Variants in ZNF17 observed in about 807,000 individuals in gnomAD.
The protein encoded by ZNF17 is zinc finger protein 17, also known as zinc finger protein 17 (HPF3, KOX 10).
ZNF17 carries 4 observed loss-of-function variants against 7.7 expected under a neutral mutation model. The observed-to-expected ratio is 0.52, with a 90% CI of 0.26 to 1.20. The LOEUF (loss-of-function observed/expected upper bound fraction) is 1.20. ZNF17 is among the 50% of genes most tolerant of loss of function. ZNF17 has a pLI of 0.14. For missense variants in ZNF17, 738 were observed against 799.5 expected, an observed-to-expected ratio of 0.92 and a Z score of 0.93; for synonymous variants, 249 against 258.8, an observed-to-expected ratio of 0.96 and a Z score of 0.36.
chr19:57,419,899 T>G lies in ZNF17; in HGVS notation c.413T>G (p.Val138Gly). ...AGTGATGAAGGGAGGCCTTCGTTTGTGAATGACAGTGTTCACCTGGCAAAG... is the reference window on the plus strand; with the variant it reads ...AGTGATGAAGGGAGGCCTTCGTTTGGGAATGACAGTGTTCACCTGGCAAAG... Reference protein sequence around the residue: ...TRSDEGRPSFVNDSVHLAKRN... With the variant: ...TRSDEGRPSFGNDSVHLAKRN... Residue 138 changes from valine (V) to glycine (G), a missense_variant, in exon 4 of 4, where the codon GTG (valine) becomes GGG (glycine). Physicochemically the swap from Val to Gly is moderately radical, Grantham distance 109. Coordinates refer to ENST00000307658, the MANE Select transcript of ZNF17 (RefSeq NM_001330617.2). 6.2e-7 allele frequency: 1 copy of G among 1,614,204 alleles called. No individual in the cohort carries two copies. The highest frequency in any genetic ancestry group is 2.2e-5 in the East Asian group (1 of 44,880).
chr19:57,413,740 C>A, intron 2 of ZNF17, 104 bp downstream of exon 2: 3 of 1,417,384 alleles, frequency 2.1e-6, no homozygotes, highest in Non-Finnish European at 2.9e-6. Context: ...CTTCTCTCTC[C>A]CTTGGGTCCA....
chr19:57,415,352 AG>A, intron 2 of ZNF17, among the ~76,000 whole-genome samples: 2 of 152,290 alleles, frequency 1.3e-5, no homozygotes, highest in East Asian at 3.9e-4. Context: ...GGAGTTTAAT[AG>A]AGCATATGAA....
At chr19:57,412,303 G>A (rs2088782495) in intron 1 of ZNF17, among the ~76,000 whole-genome samples, 2 of 152,206 alleles carry the variant, frequency 1.3e-5, no homozygotes, top group South Asian at 4.1e-4. Context: ...ACGGGGGTAG[G>A]GCTTTCTCAC....
intron 1 of ZNF17, among the ~76,000 whole-genome samples, chr19:57,412,098 G>A (rs1273309933): frequency 1.3e-5 from 2 of 152,144 alleles, no homozygotes; most frequent in Non-Finnish European, 2.9e-5. Context: ...TTAGAAAGGC[G>A]CAGACCTGTC....
At chr19:57,418,883 G>T (rs1436504124) in intron 3 of ZNF17, among the ~76,000 whole-genome samples, 1 of 150,638 alleles carries the variant, frequency 6.6e-6, no homozygotes, top group Non-Finnish European at 1.5e-5. Context: ...CCCGTTTTTT[G>T]TTTTTTTTTT....
chr19:57,421,096 T>G lies in ZNF17; in HGVS notation c.1610T>G (p.Phe537Cys). 6.2e-7 allele frequency: 1 copy of G among 1,614,068 alleles called. No homozygotes were observed. The change falls in exon 4 of 4, where the codon TTT becomes TGT. Residue 537 changes from phenylalanine (F) to cysteine (C), a missense_variant. This residue lies in a region of ZNF17 where 616 missense variants were observed against 663.9 expected (regional missense o/e 0.93). Transcript: ENST00000307658. ...GAGTGTAGTGAATGTGGGAAATTCTTTAGGCACAACTCAAATCATATTAGA... is the reference window on the plus strand; with the variant it reads ...GAGTGTAGTGAATGTGGGAAATTCTGTAGGCACAACTCAAATCATATTAGA... ...PYECSECGKFFRHNSNHIRHR... is the reference protein window; with the variant it reads ...PYECSECGKFCRHNSNHIRHR...
intron 1 of ZNF17, among the ~76,000 whole-genome samples, chr19:57,413,096 C>G (rs1054940080): frequency 5.9e-5 from 9 of 151,962 alleles, no homozygotes; most frequent in Admixed American, 3.3e-4. Flanking sequence ...CCAGGATGGT[C>G]TTGATCTCTG....
chr19:57,419,609 G>A, intron 3 of ZNF17, 26 bp from the exon 4 acceptor site: 1 of 1,586,248 alleles, frequency 6.3e-7, no homozygotes, highest in Non-Finnish European at 8.6e-7. Context: ...AAGTCATCAT[G>A]CACTTCATGA....
chr19:57,413,508 C>G (rs78763286), intron 1 of ZNF17, 88 bp from the exon 2 acceptor site: 3 of 1,428,430 alleles, frequency 2.1e-6, no homozygotes, highest in Middle Eastern at 2.3e-4. Flanking sequence ...TAACTTTGCT[C>G]TAGTTGCAGG....
chr19:57,417,977 C>G lies in ZNF17; in HGVS notation c.87C>G (p.Asp29Glu). 6.2e-7 allele frequency: 1 copy of G among 1,614,016 alleles called. No individual in the cohort carries two copies. The highest frequency in any genetic ancestry group is 8.5e-7 in the Non-Finnish European group (1 of 1,179,996). Residue 29 changes from aspartate to glutamate, a missense_variant, in exon 3 of 4, where the codon GAC becomes GAG. Physicochemically the swap from Asp to Glu is conservative, Grantham distance 45 (BLOSUM62 2). Coordinates refer to ENST00000307658, the MANE Select transcript of ZNF17 (RefSeq NM_001330617.2). Reference protein sequence around the residue: ...FSQEEWGILNDVQRHLHSDVM... With the variant: ...FSQEEWGILNEVQRHLHSDVM... The stretch of plus-strand genomic sequence containing the variant: ...AGGAGGAGTGGGGAATTCTTAATGA[C>G]GTTCAGAGACACCTGCACAGCGATG...
intron 1 of ZNF17, among the ~76,000 whole-genome samples, chr19:57,411,929 G>T (rs888175412): frequency 1.1e-4 from 16 of 152,082 alleles, no homozygotes; most frequent in African/African-American, 3.9e-4. Flanking sequence ...GTAGTGAAGG[G>T]TCTATTCCAT....
intron 2 of ZNF17, among the ~76,000 whole-genome samples, chr19:57,414,336 GTT>G (rs1265171492): frequency 1.5e-5 from 2 of 137,168 alleles, no homozygotes. Flanking sequence ...ACCTGGCCTT[GTT>G]TTTTTTTTTT....
chr19:57,419,517 T>A, intron 3 of ZNF17, 118 bp from the exon 4 acceptor site: 1 of 1,129,238 alleles, frequency 8.9e-7, no homozygotes, highest in Non-Finnish European at 1.3e-6. Flanking sequence ...GGCTTTAATG[T>A]CCCATGCCTG....
At chr19:57,412,256 G>A (rs1180874109) in intron 1 of ZNF17, among the ~76,000 whole-genome samples, 1 of 152,110 alleles carries the variant, frequency 6.6e-6, no homozygotes, top group Non-Finnish European at 1.5e-5. Flanking sequence ...TGGAACAATA[G>A]GAAGGTCATC....
At chr19:57,413,205 T>C (rs760742649) in intron 1 of ZNF17, among the ~76,000 whole-genome samples, 1 of 152,166 alleles carries the variant, frequency 6.6e-6, no homozygotes, top group African/African-American at 2.4e-5. Flanking sequence ...TTGCTTGCAA[T>C]GGAAAGTTTT....
At chr19:57,411,871 G>A (rs1257316488) in intron 1 of ZNF17, among the ~76,000 whole-genome samples, 1 of 152,242 alleles carries the variant, frequency 6.6e-6, no homozygotes, top group Non-Finnish European at 1.5e-5. Context: ...ATGGATCTCA[G>A]AGATAGAGTC....
chr19:57,415,118 G>T (rs10406875), intron 2 of ZNF17, among the ~76,000 whole-genome samples: 38,836 of 152,042 alleles, frequency 0.26, 5,219 homozygotes, highest in African/African-American at 0.3. Context: ...CCACAGTCCA[G>T]TGGAGGTTGG....
chr19:57,420,240 G>A lies in ZNF17; in HGVS notation c.754G>A (p.Glu252Lys). 1.2e-6 allele frequency: 2 copies of A among 1,614,204 alleles called. No homozygotes were observed. Among genetic ancestry groups the A allele is most frequent in the Non-Finnish European group, 1.7e-6 (2 of 1,180,020 alleles). ...TGGAGAAAGGCCTTATAAGTGTAGT[G>A]AATGTGGAAAAGCCTTCAGCCTCAA... Reference protein sequence around the residue: ...HTGERPYKCSECGKAFSLKYN... With the variant: ...HTGERPYKCSKCGKAFSLKYN... The change falls in exon 4 of 4, where the codon GAA becomes AAA. Residue 252 changes from glutamate (E) to lysine (K), a missense_variant. Glu to Lys is a moderately conservative substitution (Grantham distance 56). This residue lies in a region of ZNF17 where 616 missense variants were observed against 663.9 expected (regional missense o/e 0.93). Coordinates refer to ENST00000307658, the MANE Select transcript of ZNF17 (RefSeq NM_001330617.2).
chr19:57,420,604 G>A lies in ZNF17; in HGVS notation c.1118G>A (p.Cys373Tyr). 6.2e-7 allele frequency: 1 copy of A among 1,613,692 alleles called. No homozygotes were observed. Among genetic ancestry groups the A allele is most frequent in the Middle Eastern group, 1.7e-4 (1 of 6,052 alleles). ...CECGKFFMDS[C>Y]TLIIHQRVHT... Reference sequence around the variant, plus strand: ...TGTGGGAAATTCTTTATGGACAGCTGCACACTCATTATTCACCAGAGAGTT... The same window carrying A: ...TGTGGGAAATTCTTTATGGACAGCTACACACTCATTATTCACCAGAGAGTT... The change falls in exon 4 of 4, where the codon TGC becomes TAC. Residue 373 changes from cysteine to tyrosine, a missense_variant. By Grantham distance (194) the Cys-to-Tyr change is radical. This residue lies in a region of ZNF17 where 616 missense variants were observed against 663.9 expected (regional missense o/e 0.93). Coordinates refer to ENST00000307658, the MANE Select transcript of ZNF17 (RefSeq NM_001330617.2).
Sources: gnomAD v4.1 joint callset for allele counts (sites outside exome capture counted in the v4.1 genomes callset) on GRCh38, gnomAD v4.1.1 for gene constraint, gnomAD v4.1.1 regional missense constraint, MANE v1.5 for transcripts, NCBI Gene and HGNC (gene_info 2026-07-23, HGNC 2026-07-21) for gene names.